The following NSF variants were observed in gnomAD, a reference collection of about 807,000 sequenced individuals.
NSF encodes N-ethylmaleimide sensitive factor, vesicle fusing ATPase.
Under a neutral mutation model 50.3 loss-of-function variants are expected in NSF, and 14 were observed. The observed-to-expected ratio is 0.28, with a 90% CI of 0.18 to 0.44. The LOEUF is 0.44. Among genes scored for constraint, NSF ranks in the 20% least tolerant of loss-of-function variants. NSF has a pLI of 1.00. For missense variants in NSF, 218 were observed against 504.3 expected (o/e 0.43, Z 5.44); for synonymous variants, 109 against 175.7 (o/e 0.62, Z 3.00).
At chr17:46,740,056 C>A (rs2059054573) in intron 17 of NSF, among the ~76,000 whole-genome samples, 1 of 152,152 alleles carries the variant, frequency 6.6e-6, no homozygotes, top group Non-Finnish European at 1.5e-5. Context: ...GGCACTGTGT[C>A]TAGTGGGTAA....
intron 17 of NSF, among the ~76,000 whole-genome samples, chr17:46,734,218 G>A (rs2058978179): frequency 6.6e-6 from 1 of 152,104 alleles, no homozygotes; most frequent in Admixed American, 6.6e-5. Context: ...AATCATGCAG[G>A]CCTAAACATG....
chr17:46,742,307 G>A (rs963790210), intron 17 of NSF, among the ~76,000 whole-genome samples: 3 of 152,144 alleles, frequency 2.0e-5, no homozygotes, highest in African/African-American at 4.8e-5. Flanking sequence ...TTAATATAAT[G>A]TGCATTTTTC....
In NSF at chr17:46,711,062, C is replaced by T; in HGVS notation, c.1570C>T (p.Leu524=). Residue 524 remains leucine (L), a synonymous_variant, in exon 14 of 21, where the codon CTG becomes TTG. Transcript: ENST00000398238. The part of the protein sequence containing the change: ...VTRVLDDGEL[L]VQQTKNSDRT... ...TCGAGTTCTAGATGATGGGGAGCTG[C>T]TGGTGCAGCAGACTAAGAACAGTGA... 6.3e-7 allele frequency: 1 copy of T among 1,586,990 alleles called. No individual in the cohort carries two copies. The highest frequency in any genetic ancestry group is 8.5e-7 in the Non-Finnish European group (1 of 1,170,470).
At chr17:46,737,908 ATATTATTATTATTATTATTAT>A (rs138655503) in intron 17 of NSF, among the ~76,000 whole-genome samples, 115 of 145,756 alleles carry the variant, frequency 7.9e-4, no homozygotes, top group Non-Finnish European at 1.2e-3. Flanking sequence ...TAAAATTAGC[ATATTATTATTATTATTATTAT>A]TATTATTATT....
At chr17:46,751,696 C>G (rs2059183288) in intron 19 of NSF, 80 bp downstream of exon 19, 1 of 782,468 alleles carries the variant, frequency 1.3e-6, no homozygotes, top group Admixed American at 3.2e-5. Context: ...TTTCCTTTGC[C>G]AAGGTTTTAA....
At chr17:46,733,863 ATGT>A (rs1706064280) in intron 17 of NSF, among the ~76,000 whole-genome samples, 1 of 152,214 alleles carries the variant, frequency 6.6e-6, no homozygotes, top group African/African-American at 2.4e-5. Context: ...AAATTTTATG[ATGT>A]TGTTGAGAAT....
intron 4 of NSF, among the ~76,000 whole-genome samples, chr17:46,635,777 A>ATGTGTGTGTG (rs148930686): frequency 0.12 from 13,822 of 116,212 alleles, 467 homozygotes; most frequent in East Asian, 0.19. Flanking sequence ...GGGAAAATAA[A>ATGTGTGTGTG]TGTGTGTGTG....
rs1205999140 is a variant in NSF at position 46,722,306 on chromosome 17, C to T, written c.1762-4243C>T. 4.6e-5 allele frequency: 34 copies of T among 732,650 alleles called. 1 individual carries two copies. The Admixed American group carries it at 7.0e-4, about 15-fold the overall frequency. 45.4% of individuals were successfully genotyped at this position (732,650 alleles called of 1,614,324 possible). A position where few individuals can be genotyped will look rare whatever the true frequency, so the allele number is the denominator to read the frequency against. On this transcript the variant is annotated intron_variant, in intron 15 of 20. Transcript: ENST00000398238. The stretch of plus-strand genomic sequence containing the variant: ...ACGGTTCTTACCTTCTTACCTCCAG[C>T]CTCAGTCCTCCTGGCATCTTCTGTG...
chr17:46,745,947 G>A (rs1379270450), intron 17 of NSF, among the ~76,000 whole-genome samples: 1 of 152,122 alleles, frequency 6.6e-6, no homozygotes, highest in Non-Finnish European at 1.5e-5. Context: ...GGCTTAGAAT[G>A]TCCTTCCCCT....
In NSF at chr17:46,756,015, G is replaced by A. The variant is rs1318907359; in HGVS notation, c.*192G>A. On this transcript the variant is annotated 3_prime_UTR_variant, in exon 21 of 21. Coordinates refer to ENST00000398238, the MANE Select transcript of NSF (RefSeq NM_006178.4). ...TACTGAGATAGCTTAGTGTCTCGTGGAAGGTGTCAATTTGGTTTAGAATGC... is the reference window on the plus strand; with the variant it reads ...TACTGAGATAGCTTAGTGTCTCGTGAAAGGTGTCAATTTGGTTTAGAATGC... 1.6e-5 allele frequency: 9 copies of A among 574,990 alleles called. No individual in the cohort carries two copies. The Admixed American group carries it at 1.7e-4, about 11-fold the overall frequency. The allele number at this position is 574,990 out of a possible 1,614,324, so 35.6% of individuals were successfully genotyped here.
intron 15 of NSF, among the ~76,000 whole-genome samples, chr17:46,716,359 C>G (rs1243533150): frequency 6.6e-6 from 1 of 151,750 alleles, no homozygotes; most frequent in Non-Finnish European, 1.5e-5. Context: ...CGGGTTCATG[C>G]CATTCTCCTG....
chr17:46,748,141 CTT>C (rs1169884020), intron 17 of NSF, among the ~76,000 whole-genome samples: 1 of 152,058 alleles, frequency 6.6e-6, no homozygotes, highest in African/African-American at 2.4e-5. Flanking sequence ...GAGTTTCGCT[CTT>C]GTTGCCCAGG....
chr17:46,739,917 C>G (rs1264109757), intron 17 of NSF, among the ~76,000 whole-genome samples: 4 of 152,102 alleles, frequency 2.6e-5, no homozygotes, highest in African/African-American at 9.7e-5. Context: ...CCAGACTGGT[C>G]TCAAACTCCT....
At chr17:46,697,146 G>A (rs1387203151) in intron 12 of NSF, among the ~76,000 whole-genome samples, 3 of 147,432 alleles carry the variant, frequency 2.0e-5, no homozygotes, top group African/African-American at 7.8e-5. Flanking sequence ...ATTCACCTCA[G>A]AGTCTCCCAT....
At chr17:46,730,746 G>A (rs2058940945) in intron 17 of NSF, among the ~76,000 whole-genome samples, 2 of 152,102 alleles carry the variant, frequency 1.3e-5, no homozygotes, top group South Asian at 4.1e-4. Context: ...GACAGGATAT[G>A]ATAAGAGTGA....
In NSF at chr17:46,755,824, A is replaced by AAAT; in HGVS notation, c.*2_*4dup. 3 of 1,612,228 alleles carry AAAT rather than the reference A, an allele frequency of 1.9e-6. No individual in the cohort carries two copies. The highest frequency in any genetic ancestry group is 2.5e-6 in the Non-Finnish European group (3 of 1,179,712). ...CAGTAGCCCCCTTGATTTTGATTGA[A>AAAT]AATGAACTATTTGAAACACACAGTG... On this transcript the variant is annotated 3_prime_UTR_variant, in exon 21 of 21. Coordinates refer to ENST00000398238, the MANE Select transcript of NSF (RefSeq NM_006178.4).
At chr17:46,729,439 T>G (rs568227691) in intron 17 of NSF, among the ~76,000 whole-genome samples, 2 of 152,332 alleles carry the variant, frequency 1.3e-5, no homozygotes, top group Admixed American at 1.3e-4. Context: ...AGTGAATTTA[T>G]AGCCAGGATC....
chr17:46,729,069 C>T (rs1365459222), intron 17 of NSF, 135 bp downstream of exon 17: 6 of 564,898 alleles, frequency 1.1e-5, no homozygotes, highest in Non-Finnish European at 1.8e-5. Context: ...GAAAGGTCGT[C>T]CAGTCTTGAC....
chr17:46,684,470 C>G (rs897280524), intron 9 of NSF, among the ~76,000 whole-genome samples: 2 of 152,032 alleles, frequency 1.3e-5, no homozygotes, highest in African/African-American at 4.8e-5. Flanking sequence ...AATGGGATTG[C>G]TGGGTCAAAT....
Sources: allele counts gnomAD v4.1 joint callset (sites outside exome capture counted in the v4.1 genomes callset), GRCh38; gene constraint gnomAD v4.1.1; transcripts MANE v1.5; gene names NCBI Gene and HGNC (gene_info 2026-07-23, HGNC 2026-07-21).